Variants in CEP170 observed in about 807,000 individuals in gnomAD.
CEP170 encodes centrosomal protein 170.
Under a neutral mutation model 151.9 loss-of-function variants are expected in CEP170, and 21 were observed. The ratio of observed to expected loss-of-function variants is 0.14; its 90% CI spans 0.10 to 0.20. The LOEUF is 0.20. CEP170 is among the 10% of genes least tolerant of loss of function. CEP170 has a pLI of 1.00. For synonymous variants in CEP170, 356 were observed against 648.8 expected, an observed-to-expected ratio of 0.55 and a Z score of 6.86; for missense variants, 964 against 1,892.9, an observed-to-expected ratio of 0.51 and a Z score of 9.11.
Position 243,184,289 on chromosome 1 carries a change from A to C in CEP170, c.1566+1490T>G, listed in dbSNP as rs145299987. ...CCCAAGGGCACACACAAGCACATGCAAAGTTTATATTTAATCCCAGATCTG... is the reference window on the plus strand; with the variant it reads ...CCCAAGGGCACACACAAGCACATGCCAAGTTTATATTTAATCCCAGATCTG... On this transcript the variant is annotated intron_variant, in intron 10 of 19. Coordinates refer to ENST00000366542, the MANE Select transcript of CEP170 (RefSeq NM_014812.3). 6.7e-3 allele frequency among the ~76,000 whole-genome samples: 1,014 copies of C among 152,230 alleles called. 12 individuals carry two copies. Among genetic ancestry groups the C allele is most frequent in the African/African-American group, 0.023 (963 of 41,566 alleles).
intron 10 of CEP170, chr1:243,175,310 A>T (rs1467811980): frequency 6.6e-6 from 1 of 152,246 alleles, no homozygotes. Flanking sequence ...CTATACATAC[A>T]TTATTAAGTA....
chr1:243,161,198 G>C lies in CEP170; in HGVS notation c.3676+3086C>G, dbSNP rs146825373. On this transcript the variant is annotated intron_variant, in intron 13 of 19. Coordinates refer to ENST00000366542, the MANE Select transcript of CEP170 (RefSeq NM_014812.3). ...CACGCCTGTAATCCCAGCTACTTGG[G>C]AGGCTGAGGCAGGAGAATCACTTGA... Among the ~76,000 whole-genome samples, 853 of 151,784 alleles carry C rather than the reference G, an allele frequency of 5.6e-3. 12 individuals are homozygous for C. Among genetic ancestry groups the C allele is most frequent in the African/African-American group, 0.019 (796 of 41,322 alleles).
In CEP170 at chr1:243,186,353, C is replaced by G. The variant is rs200946656; in HGVS notation, c.1178G>C (p.Arg393Pro). 6.2e-7 allele frequency: 1 copy of G among 1,613,710 alleles called. No individual in the cohort carries two copies. Among genetic ancestry groups the G allele is most frequent in the East Asian group, 2.2e-5 (1 of 44,878 alleles). ...TCTTAAGTGTTCCTCAAGAGTTGCA[C>G]GTTTGCTACAGCGCCTGTGAGCCCC... The part of the protein sequence containing the change: ...NAGAHRRCSK[R>P]ATLEEHLRRH... Residue 393 changes from arginine to proline, a missense_variant, in exon 9 of 20, where the codon CGT becomes CCT. Arg to Pro is a moderately radical substitution (Grantham distance 103). Coordinates refer to ENST00000366542, the MANE Select transcript of CEP170 (RefSeq NM_014812.3).
chr1:243,255,309 T>C (rs978575939), upstream of CEP170: 1 of 152,952 alleles, frequency 6.5e-6, no homozygotes, highest in Non-Finnish European at 1.5e-5. Flanking sequence ...TATCCCCTCC[T>C]GCCCAGTTCC....
intron 10 of CEP170, among the ~76,000 whole-genome samples, chr1:243,176,206 T>C (rs1253340319): frequency 1.3e-5 from 2 of 151,948 alleles, no homozygotes; most frequent in Non-Finnish European, 2.9e-5. Flanking sequence ...AGGTCTTTCA[T>C]TCAGCTAGGA....
At chr1:243,131,863 T>C (rs2054458534) in intron 17 of CEP170, among the ~76,000 whole-genome samples, 1 of 152,266 alleles carries the variant, frequency 6.6e-6, no homozygotes, top group Non-Finnish European at 1.5e-5. Flanking sequence ...ATACTTTTGA[T>C]AAAGCCATTG....
chr1:243,221,392 C>T (rs552702057), intron 3 of CEP170, among the ~76,000 whole-genome samples: 91 of 152,282 alleles, frequency 6.0e-4, no homozygotes, highest in African/African-American at 2.1e-3. Context: ...TTTGCATTCT[C>T]ACTGCCATGA....
chr1:243,224,339 AG>A (rs1208344830), intron 2 of CEP170, among the ~76,000 whole-genome samples: 5 of 152,202 alleles, frequency 3.3e-5, no homozygotes, highest in Non-Finnish European at 7.4e-5. Flanking sequence ...GAAAGACTCC[AG>A]TCCCTGTCCT....
chr1:243,146,517 T>C (rs1362549714), intron 14 of CEP170, among the ~76,000 whole-genome samples: 2 of 152,184 alleles, frequency 1.3e-5, no homozygotes, highest in Non-Finnish European at 2.9e-5. Flanking sequence ...TAAAAAATGT[T>C]TTTTATTTCC....
chr1:243,151,431 G>T (rs1162568820), intron 14 of CEP170, among the ~76,000 whole-genome samples: 2 of 151,540 alleles, frequency 1.3e-5, no homozygotes, highest in East Asian at 1.9e-4. Context: ...GTGAACACAG[G>T]AATGATAAGA....
intron 3 of CEP170, among the ~76,000 whole-genome samples, chr1:243,213,817 A>T (rs2062023921): frequency 6.6e-6 from 1 of 152,074 alleles, no homozygotes; most frequent in Admixed American, 6.6e-5. Context: ...GGCTCAGGTG[A>T]TTCTCCCACC....
chr1:243,250,293 C>T (rs1332907585), intron 1 of CEP170, among the ~76,000 whole-genome samples: 1 of 152,070 alleles, frequency 6.6e-6, no homozygotes, highest in African/African-American at 2.4e-5. Context: ...TTATAAATGT[C>T]AAAAAGCCAG....
At chr1:243,171,587 G>T (rs989223527) in intron 11 of CEP170, among the ~76,000 whole-genome samples, 25 of 152,166 alleles carry the variant, frequency 1.6e-4, no homozygotes, top group African/African-American at 5.8e-4. Context: ...TCCATTGAAG[G>T]TTAGCTCTTA....
At chr1:243,202,749 G>A (rs945536214) in intron 4 of CEP170, among the ~76,000 whole-genome samples, 1 of 151,792 alleles carries the variant, frequency 6.6e-6, no homozygotes, top group African/African-American at 2.4e-5. Flanking sequence ...TGTTTTATCC[G>A]CAAAAAACTC....
At chr1:243,193,256 A>AT (rs1006744997) in intron 7 of CEP170, among the ~76,000 whole-genome samples, 8 of 151,856 alleles carry the variant, frequency 5.3e-5, no homozygotes, top group Admixed American at 3.9e-4. Flanking sequence ...TTATTTTTCT[A>AT]TTTTTTCAGA....
At chr1:243,238,497 G>A (rs560903662) in intron 1 of CEP170, among the ~76,000 whole-genome samples, 1 of 151,896 alleles carries the variant, frequency 6.6e-6, no homozygotes, top group Non-Finnish European at 1.5e-5. Context: ...ATTTAGAGAA[G>A]AGCTTCTGCA....
At chr1:243,175,778 T>C (rs73116155) in intron 10 of CEP170, among the ~76,000 whole-genome samples, 3,112 of 145,634 alleles carry the variant, frequency 0.021, 113 homozygotes, top group African/African-American at 0.074. Context: ...TCCCACCTGC[T>C]GGAAGGCTCA....
intron 13 of CEP170, among the ~76,000 whole-genome samples, chr1:243,159,860 C>G (rs1359156617): frequency 2.0e-5 from 3 of 149,684 alleles, no homozygotes; most frequent in Admixed American, 6.7e-5. Flanking sequence ...GCCATCTTGG[C>G]TCACTGCAAT....
At chr1:243,134,638 T>C (rs1306534229) in intron 17 of CEP170, among the ~76,000 whole-genome samples, 5 of 151,798 alleles carry the variant, frequency 3.3e-5, no homozygotes, top group Non-Finnish European at 2.9e-5. Flanking sequence ...ACTGGGACTA[T>C]AGGCATGTGC....
Sources: gnomAD v4.1 joint callset for allele counts (sites outside exome capture counted in the v4.1 genomes callset) on GRCh38, gnomAD v4.1.1 for gene constraint, MANE v1.5 for transcripts, NCBI Gene and HGNC (gene_info 2026-07-23, HGNC 2026-07-21) for gene names.